Variants in SLC4A9 observed in about 807,000 individuals in gnomAD.
The protein encoded by SLC4A9 is anion exchange protein 4.
SLC4A9 carries 102 observed loss-of-function variants against 103.2 expected under a neutral mutation model. That is an observed-to-expected ratio of 0.99 (90% confidence interval 0.84 to 1.17). The LOEUF is 1.17. Ranked by LOEUF, SLC4A9 falls within the 50% of genes most tolerant of loss-of-function variation. The probability of loss-of-function intolerance (pLI) is 0.00; values close to 1 mark genes in which losing one functional copy is unlikely to be tolerated. For synonymous variants in SLC4A9, 453 were observed against 483.6 expected, an observed-to-expected ratio of 0.94 and a Z score of 0.83; for missense variants, 1,091 against 1,193.7, an observed-to-expected ratio of 0.91 and a Z score of 1.27.
In SLC4A9 at chr5:140,360,882, G is replaced by C. The variant is rs1376187519; in HGVS notation, c.301G>C (p.Ala101Pro). ...RWSAPHVPTLALPSLQKLRSL... is the reference protein window; with the variant it reads ...RWSAPHVPTLPLPSLQKLRSL... ...GAGTGCCCCCCACGTGCCCACCCTG[G>C]CACTGCCCAGCCTCCAGAAGCTCCG... Residue 101 changes from alanine to proline, a missense_variant, in exon 2 of 22, where the codon GCA becomes CCA. By Grantham distance (27) the Ala-to-Pro change is conservative. Coordinates refer to ENST00000506757, the MANE Select transcript of SLC4A9 (RefSeq NM_031467.3). The C allele has an allele frequency of 1.2e-6, 2 of 1,610,854 alleles. No homozygotes were observed. The highest frequency in any genetic ancestry group is 1.7e-6 in the Non-Finnish European group (2 of 1,179,150).
At position 140,360,212 on chromosome 5, in the gene SLC4A9, G is replaced by C. The variant is rs765891945; in HGVS notation, c.-25G>C. 1.9e-6 allele frequency: 3 copies of C among 1,595,876 alleles called. No individual in the cohort carries two copies. Among genetic ancestry groups the C allele is most frequent in the African/African-American group, 1.3e-5 (1 of 74,438 alleles). ...TGGCTTCAGAACCTAGGACTGTACT[G>C]GTTCTGAGATTCTGTGCAAGCCTCA... On this transcript the variant is annotated 5_prime_UTR_variant, in exon 1 of 22. Coordinates refer to ENST00000506757, the MANE Select transcript of SLC4A9 (RefSeq NM_031467.3).
In SLC4A9 at chr5:140,364,511, C is replaced by T. The variant is rs1767601236; in HGVS notation, c.1537C>T (p.Leu513Phe). 4 of 1,611,464 alleles carry T rather than the reference C, an allele frequency of 2.5e-6. No individual in the cohort carries two copies. Among genetic ancestry groups the T allele is most frequent in the African/African-American group, 2.7e-5 (2 of 74,998 alleles). Residue 513 changes from leucine to phenylalanine, a missense_variant, in exon 11 of 22, where the codon CTC becomes TTC. Coordinates refer to ENST00000506757, the MANE Select transcript of SLC4A9 (RefSeq NM_031467.3). ...TEEGFCALIS[L>F]IFIYDAVGKM... is the part of the protein sequence containing the mutation. ...GGAAGGTTTCTGTGCCCTCATCAGCCTCATCTTCATCTACGATGCTGTGGG... is the reference window on the plus strand; with the variant it reads ...GGAAGGTTTCTGTGCCCTCATCAGCTTCATCTTCATCTACGATGCTGTGGG...
At position 140,364,149 on chromosome 5, in the gene SLC4A9, A is replaced by C. The variant is rs763438229; in HGVS notation, c.1350A>C (p.Pro450=). 1.9e-6 allele frequency: 3 copies of C among 1,585,236 alleles called. No homozygotes were observed. Among genetic ancestry groups the C allele is most frequent in the Non-Finnish European group, 2.6e-6 (3 of 1,164,978 alleles). The stretch of plus-strand genomic sequence containing the variant: ...TCACCATTCTGAGCAGCACGGGGCC[A>C]GTGCTGGTCTTTGAGCGCCTGCTCT... ...QPLTILSSTG[P]VLVFERLLFS... The change falls in exon 10 of 22, where the codon CCA becomes CCC. Residue 450 remains proline, a synonymous_variant. Transcript: ENST00000506757.
chr5:140,360,502 C>A (rs991102052), intron 1 of SLC4A9, 36 bp downstream of exon 1: 2 of 1,527,622 alleles, frequency 1.3e-6, no homozygotes, highest in Admixed American at 2.0e-5. Flanking sequence ...TGGGATCCTT[C>A]CCCTTCCCCA....
chr5:140,365,950 C>T lies in SLC4A9; in HGVS notation c.1827C>T (p.Leu609=), dbSNP rs530866581. The T allele has an allele frequency of 1.9e-6, 3 of 1,614,062 alleles. No individual in the cohort carries two copies. Among genetic ancestry groups the T allele is most frequent in the African/African-American group, 2.7e-5 (2 of 75,068 alleles). The part of the protein sequence containing the change: ...TVPDIAFFSL[L]LFLTSFFFAM... ...CAGACATTGCCTTCTTCTCCCTTCT[C>T]CTCTTCCTTACTTCTTTCTTCTTTG... The change falls in exon 13 of 22, where the codon CTC becomes CTT. Residue 609 remains leucine, a synonymous_variant. Coordinates refer to ENST00000506757, the MANE Select transcript of SLC4A9 (RefSeq NM_031467.3).
intron 20 of SLC4A9, 33 bp from the exon 21 acceptor site, chr5:140,372,712 T>G (rs1384114057): frequency 6.5e-7 from 1 of 1,528,104 alleles, no homozygotes; most frequent in African/African-American, 1.4e-5. Flanking sequence ...TTTCTATCTA[T>G]TCTCAATCCA....
intron 11 of SLC4A9, 82 bp downstream of exon 11, chr5:140,364,707 G>A (rs890133610): frequency 1.3e-6 from 2 of 1,507,356 alleles, no homozygotes; most frequent in Admixed American, 4.1e-5. Flanking sequence ...TATCCCCCCT[G>A]GTTAAGTTCA....
intron 17 of SLC4A9, chr5:140,370,867 T>C (rs1768609549): frequency 5.5e-6 from 3 of 541,592 alleles, no homozygotes; most frequent in Non-Finnish European, 6.6e-6. Context: ...ACTTAGTCCC[T>C]CTGAAATTCA....
intron 18 of SLC4A9, 137 bp from the exon 19 acceptor site, chr5:140,371,314 C>A: frequency 7.2e-7 from 1 of 1,386,698 alleles, no homozygotes; most frequent in Non-Finnish European, 1.0e-6. Flanking sequence ...CTCTCTTTTT[C>A]CTGTCTCTCC....
chr5:140,370,943 A>G (rs1768621091), intron 17 of SLC4A9, 152 bp from the exon 18 acceptor site: 8 of 603,950 alleles, frequency 1.3e-5, no homozygotes, highest in Non-Finnish European at 2.4e-5. Flanking sequence ...TGAGGATTCA[A>G]TAAGATCGGC....
chr5:140,363,700 T>TG lies in SLC4A9; in HGVS notation c.1080-26dup. Reference sequence around the variant, plus strand: ...GATGCGGGTGTGGAGTGTGAAAACCTGGATCACTGACGACCCTCGGGCGGG... The same window carrying TG: ...GATGCGGGTGTGGAGTGTGAAAACCTGGGATCACTGACGACCCTCGGGCGGG... On this transcript the variant is annotated intron_variant, in intron 8 of 21. Transcript: ENST00000506757. The surrounding 1 kb of genome is among the most constrained non-coding windows in gnomAD (Gnocchi z 4.5). The TG allele has an allele frequency of 1.2e-6, 2 of 1,611,668 alleles. No individual in the cohort carries two copies. The highest frequency in any genetic ancestry group is 1.7e-6 in the Non-Finnish European group (2 of 1,178,668).
In SLC4A9 at chr5:140,367,559, A is replaced by G. The variant is rs755042650; in HGVS notation, c.2153A>G (p.Asn718Ser). ...CAACAGATCACAGCAGTCATCCTCAACCGCATGGAATACAGACTGCAGGTA... is the reference window on the plus strand; with the variant it reads ...CAACAGATCACAGCAGTCATCCTCAGCCGCATGGAATACAGACTGCAGGTA... The part of the protein sequence containing the change: ...MDQQITAVIL[N>S]RMEYRLQKGA... Residue 718 changes from asparagine (N) to serine (S), a missense_variant, in exon 15 of 22, where the codon AAC becomes AGC. Physicochemically the swap from Asn to Ser is conservative, Grantham distance 46 (BLOSUM62 1). Transcript: ENST00000506757. The G allele has an allele frequency of 1.0e-5, 16 of 1,603,444 alleles. No homozygotes were observed. Among genetic ancestry groups the G allele is most frequent in the Non-Finnish European group, 1.4e-5 (16 of 1,175,208 alleles).
chr5:140,362,792 A>T, intron 6 of SLC4A9, 120 bp from the exon 7 acceptor site: 1 of 1,294,528 alleles, frequency 7.7e-7, no homozygotes, highest in Non-Finnish European at 1.1e-6. Context: ...GCATGCATAA[A>T]GGAATGTGTG....
chr5:140,360,595 A>G, intron 1 of SLC4A9, 129 bp downstream of exon 1: 1 of 1,138,368 alleles, frequency 8.8e-7, no homozygotes, highest in Non-Finnish European at 1.2e-6. Flanking sequence ...CCCTTATTTC[A>G]GGGTCTTACC....
Position 140,364,600 on chromosome 5 carries a change from C to T in SLC4A9, c.1626C>T (p.Cys542=), listed in dbSNP as rs377353835. 1.1e-5 allele frequency: 17 copies of T among 1,601,252 alleles called. No individual in the cohort carries two copies. In the African/African-American group the frequency reaches 2.1e-4, roughly 20 times the overall value. ...IQKPGSSAYG[C]LCQYPGPGGN... is the part of the protein sequence containing the mutation. ...AGCCTGGGTCCTCTGCCTACGGGTG[C>T]CTCTGCCAATACCCAGGCCCAGGAG... The change falls in exon 11 of 22, where the codon TGC becomes TGT. Residue 542 remains cysteine (C), a synonymous_variant. Transcript: ENST00000506757.
At position 140,363,056 on chromosome 5, in the gene SLC4A9, C is replaced by G; in HGVS notation, c.952C>G (p.Gln318Glu). 6.2e-7 allele frequency: 1 copy of G among 1,613,270 alleles called. No individual in the cohort carries two copies. The highest frequency in any genetic ancestry group is 2.2e-5 in the East Asian group (1 of 44,874). ...RIPPPKCLPS[Q>E]HKRLPSQQRE... ...TCCCCCGCCCAAATGTCTGCCATCT[C>G]AGCACAAAAGGTACCTGGGAGCCAT... The change falls in exon 7 of 22, where the codon CAG becomes GAG. Residue 318 changes from glutamine to glutamate, a missense_variant. Transcript: ENST00000506757. The surrounding 1 kb of genome is among the most constrained non-coding windows in gnomAD (Gnocchi z 4.5).
At chr5:140,373,222 G>A (rs2126803042) in intron 21 of SLC4A9, among the ~76,000 whole-genome samples, 1 of 152,300 alleles carries the variant, frequency 6.6e-6, no homozygotes, top group African/African-American at 2.4e-5. Flanking sequence ...TTAGGCTGCT[G>A]AGAACCACAC....
intron 4 of SLC4A9, 76 bp downstream of exon 4, chr5:140,361,939 C>T (rs1767143525): frequency 1.2e-6 from 2 of 1,613,052 alleles, no homozygotes. Flanking sequence ...CTACTCTCCA[C>T]TGGATTTCTC....
chr5:140,362,414 G>C (rs534074702), intron 5 of SLC4A9, 31 bp from the exon 6 acceptor site: 2 of 1,605,332 alleles, frequency 1.2e-6, no homozygotes, highest in South Asian at 1.1e-5. Context: ...AAAGCAGCCT[G>C]TGAATCTCTG....
Sources: allele counts gnomAD v4.1 joint callset (sites outside exome capture counted in the v4.1 genomes callset), GRCh38; gene constraint gnomAD v4.1.1; non-coding constraint Gnocchi (gnomAD v3.1); transcripts MANE v1.5; gene names NCBI Gene and HGNC (gene_info 2026-07-23, HGNC 2026-07-21).